CASZ1: variants seen among roughly 807,000 people sequenced by gnomAD.
CASZ1 encodes zinc finger protein castor homolog 1.
In CASZ1, 28 loss-of-function variants were observed where a neutral mutation model predicts 135.2. The observed-to-expected ratio is 0.21, with a 90% CI of 0.15 to 0.28. CASZ1 has a LOEUF of 0.28. Ranked by LOEUF, CASZ1 falls within the 10% of genes least tolerant of loss-of-function variation. The pLI, the probability that CASZ1 is intolerant of heterozygous loss-of-function variation, is 1.00. For synonymous variants in CASZ1, 1,068 were observed against 1,073.4 expected (o/e 0.99, Z 0.10); for missense variants, 2,161 against 2,453.3 (o/e 0.88, Z 2.52).
At chr1:10,648,458 G>A (rs138764675) in intron 15 of CASZ1, 92 of 316,280 alleles carry the variant, frequency 2.9e-4, no homozygotes, top group African/African-American at 1.7e-3. Flanking sequence ...GAACCTGCTC[G>A]GAGGTCTTAA....
chr1:10,763,043 C>T (rs1429864720), intron 1 of CASZ1, among the ~76,000 whole-genome samples: 3 of 152,258 alleles, frequency 2.0e-5, no homozygotes, highest in Admixed American at 1.3e-4. Flanking sequence ...CTTCCCCATT[C>T]CTGCCATCCT....
chr1:10,647,630 G>GGAGCAGCA lies in CASZ1; in HGVS notation c.3497+163_3497+170dup. ...CTGCTCTGGGACAGGCAGTGAGGTA[G>GGAGCAGCA]GAGCAGCAGCATCTTTGGCTAGAAG... is the stretch of plus-strand genomic sequence containing the variant. On this transcript the variant is annotated intron_variant, in intron 16 of 20. Transcript: ENST00000377022. This position sits in a 1 kb window ranked among gnomAD's most constrained non-coding sequence, Gnocchi z 4.9. 1 of 1,459,352 alleles carries GGAGCAGCA rather than the reference G, an allele frequency of 6.9e-7. No individual in the cohort carries two copies. The allele number at this position is 1,459,352 out of a possible 1,614,324, so 90.4% of individuals were successfully genotyped here.
At chr1:10,796,024 C>T (rs966899943) in intron 1 of CASZ1, among the ~76,000 whole-genome samples, 1 of 151,362 alleles carries the variant, frequency 6.6e-6, no homozygotes, top group African/African-American at 2.4e-5. Flanking sequence ...CCTTCTCTGC[C>T]CTGGAGAGCG....
chr1:10,641,316 G>A (rs1404543902), intron 20 of CASZ1, among the ~76,000 whole-genome samples: 1 of 152,230 alleles, frequency 6.6e-6, no homozygotes, highest in Admixed American at 6.5e-5. Flanking sequence ...ACAGCCGGAA[G>A]TCCCTGAGGA....
chr1:10,641,648 A>C (rs1186782110), intron 20 of CASZ1, among the ~76,000 whole-genome samples: 2 of 152,170 alleles, frequency 1.3e-5, no homozygotes, highest in Non-Finnish European at 2.9e-5. Context: ...AGCCTCCTCT[A>C]TCTCTCCCTA....
intron 2 of CASZ1, among the ~76,000 whole-genome samples, chr1:10,737,987 A>C (rs1639833477): frequency 6.6e-6 from 1 of 152,094 alleles, no homozygotes; most frequent in Non-Finnish European, 1.5e-5. Context: ...ATAGTCACTC[A>C]ACACCCACAA....
chr1:10,653,415 G>A lies in CASZ1; in HGVS notation c.2642C>T (p.Ala881Val), dbSNP rs750616317. 3.1e-6 allele frequency: 5 copies of A among 1,613,332 alleles called. No individual in the cohort carries two copies. In the East Asian group the frequency reaches 1.1e-4, roughly 36 times the overall value. Residue 881 changes from alanine (A) to valine (V), a missense_variant, in exon 11 of 21, where the codon GCT (alanine) becomes GTT (valine). Physicochemically the swap from Ala to Val is moderately conservative, Grantham distance 64 (BLOSUM62 0). Coordinates refer to ENST00000377022, the MANE Select transcript of CASZ1 (RefSeq NM_001079843.3). The part of the protein sequence containing the change: ...GLISPMMARL[A>V]AAALKPSATF... ...GGCAGAGGGCTTGAGGGCAGCTGCA[G>A]CCAGCCTGGCCATCATGGGCGAGAT...
chr1:10,755,297 CG>C lies in CASZ1; in HGVS notation c.-77+5403del, dbSNP rs1375318941. 2.0e-5 allele frequency among the ~76,000 whole-genome samples: 3 copies of C among 152,066 alleles called. No individual in the cohort carries two copies. The highest frequency in any genetic ancestry group is 4.8e-5 in the African/African-American group (2 of 41,402). ...CACATGGGGGAACCTGGCAGGAGAC[CG>C]GAGAGGAGGAGCTTGAAGGTCTACA... is the stretch of plus-strand genomic sequence containing the variant. On this transcript the variant is annotated intron_variant, in intron 2 of 20. Coordinates refer to ENST00000377022, the MANE Select transcript of CASZ1 (RefSeq NM_001079843.3). The surrounding 1 kb of genome is among the most constrained non-coding windows in gnomAD (Gnocchi z 4.3).
rs1270004900 is a variant in CASZ1 at position 10,679,361 on chromosome 1, A to AC, written c.17-13791dup. On this transcript the variant is annotated intron_variant, in intron 4 of 20. Transcript: ENST00000377022. The surrounding 1 kb of genome is among the most constrained non-coding windows in gnomAD (Gnocchi z 4.7). ...CTCCCAGCAGGCGGAAACACTCCCAACCCCGGACTTAGGCCCCTGTCAGAA... is the reference window on the plus strand; with the variant it reads ...CTCCCAGCAGGCGGAAACACTCCCAACCCCCGGACTTAGGCCCCTGTCAGAA... Among the ~76,000 whole-genome samples the AC allele has an allele frequency of 6.6e-6, 1 of 151,840 alleles. No individual in the cohort carries two copies. The highest frequency in any genetic ancestry group is 1.5e-5 in the Non-Finnish European group (1 of 67,948).
intron 11 of CASZ1, 70 bp from the exon 12 acceptor site, chr1:10,651,146 GC>G: frequency 1.5e-6 from 2 of 1,311,124 alleles, no homozygotes; most frequent in Non-Finnish European, 2.0e-6. Context: ...CAGCCGCCGT[GC>G]CCCCTGGAGG....
intron 2 of CASZ1, among the ~76,000 whole-genome samples, chr1:10,751,936 GCT>G (rs755993752): frequency 2.6e-5 from 4 of 152,190 alleles, no homozygotes; most frequent in Non-Finnish European, 4.4e-5. Context: ...GCAGCCCTAA[GCT>G]CTCTGTCCAC....
rs140044803 is a variant in CASZ1 at position 10,681,062 on chromosome 1, G to A, written c.16+12812C>T. On this transcript the variant is annotated intron_variant, in intron 4 of 20. Coordinates refer to ENST00000377022, the MANE Select transcript of CASZ1 (RefSeq NM_001079843.3). ...ATTACAGGCGCCTGCCACCACACTT[G>A]GCTACTTTTTGAATTTTTAGTAGAG... Among the ~76,000 whole-genome samples the A allele has an allele frequency of 8.3e-3, 1,260 of 152,222 alleles. 16 individuals carry two copies. The highest frequency in any genetic ancestry group is 0.027 in the African/African-American group (1,123 of 41,528).
chr1:10,651,894 G>A (rs1347575698), intron 11 of CASZ1: 1 of 152,360 alleles, frequency 6.6e-6, no homozygotes, highest in East Asian at 1.9e-4. Context: ...CTTTTCTAAT[G>A]AAAACAAAGT....
At chr1:10,785,634 G>A (rs1210263407) in intron 1 of CASZ1, among the ~76,000 whole-genome samples, 1 of 152,200 alleles carries the variant, frequency 6.6e-6, no homozygotes, top group African/African-American at 2.4e-5. Context: ...CCCAGGCCTG[G>A]GGAGCACCCA....
At chr1:10,655,540 T>G (rs1570421977) in intron 9 of CASZ1, 109 bp downstream of exon 9, 1 of 1,042,772 alleles carries the variant, frequency 9.6e-7, no homozygotes, top group Non-Finnish European at 1.4e-6. Flanking sequence ...CCTGATCAAC[T>G]GGGGTCCCTG....
chr1:10,740,990 T>TA (rs1461309462), intron 2 of CASZ1, among the ~76,000 whole-genome samples: 6 of 77,764 alleles, frequency 7.7e-5, no homozygotes, highest in Admixed American at 3.6e-4. Context: ...AAAAAAAGTC[T>TA]AAAAAACACT....
chr1:10,731,388 G>C (rs1639700162), intron 2 of CASZ1, among the ~76,000 whole-genome samples: 2 of 152,050 alleles, frequency 1.3e-5, no homozygotes, highest in Non-Finnish European at 2.9e-5. Context: ...TTTGCGACCA[G>C]CCTGGGAAAC....
chr1:10,738,720 A>AG (rs1370592997), intron 2 of CASZ1, among the ~76,000 whole-genome samples: 18 of 152,176 alleles, frequency 1.2e-4, no homozygotes, highest in Non-Finnish European at 1.8e-4. Context: ...CCACAGGGAG[A>AG]GGGGGAGGAG....
chr1:10,644,773 C>T (rs1039584329), intron 18 of CASZ1, 144 bp downstream of exon 18: 2 of 815,484 alleles, frequency 2.5e-6, no homozygotes, highest in African/African-American at 1.7e-5. Context: ...GTGCCTAGCC[C>T]GTGATATCTG....
Sources: gnomAD v4.1 joint callset for allele counts (sites outside exome capture counted in the v4.1 genomes callset) on GRCh38, gnomAD v4.1.1 for gene constraint, Gnocchi (gnomAD v3.1) non-coding constraint, MANE v1.5 for transcripts, NCBI Gene and HGNC (gene_info 2026-07-23, HGNC 2026-07-21) for gene names.